The following TCF4 variants were observed in gnomAD, a reference collection of about 807,000 sequenced individuals.
TCF4 encodes SL3-3 enhancer factor 2.
A neutral mutation model predicts 82.1 loss-of-function variants in TCF4; 3 were observed. The observed-to-expected ratio is 0.04, with a 90% CI of 0.02 to 0.09. The LOEUF (loss-of-function observed/expected upper bound fraction) is 0.09. TCF4 is among the 10% of genes least tolerant of loss of function. TCF4 has a pLI of 1.00. For missense variants in TCF4, 518 were observed against 852.7 expected (o/e 0.61, Z 4.89); for synonymous variants, 276 against 309.6 (o/e 0.89, Z 1.14).
chr18:55,265,974 C>T (rs960892088), intron 11 of TCF4: 1 of 152,110 alleles, frequency 6.6e-6, no homozygotes, highest in Non-Finnish European at 1.5e-5. Flanking sequence ...GTTATTATAA[C>T]CATTATGTTA....
chr18:55,407,371 C>T (rs539146519), intron 5 of TCF4, among the ~76,000 whole-genome samples: 6 of 152,108 alleles, frequency 3.9e-5, no homozygotes, highest in African/African-American at 1.2e-4. Context: ...ACAAGGAAAA[C>T]GCTGTAAATG....
intron 6 of TCF4, chr18:55,352,096 A>G (rs942026906): frequency 5.2e-6 from 1 of 191,194 alleles, no homozygotes; most frequent in Admixed American, 6.5e-5. Context: ...CACACTATTC[A>G]CATGCAAAAT....
chr18:55,269,331 G>A (rs73488963), intron 11 of TCF4: 7,131 of 176,802 alleles, frequency 0.04, 288 homozygotes, highest in African/African-American at 0.11. Flanking sequence ...GGACTCCACA[G>A]TGTCACATTC....
intron 5 of TCF4, among the ~76,000 whole-genome samples, chr18:55,430,624 A>G (rs2095159315): frequency 1.8e-5 from 2 of 113,596 alleles, no homozygotes; most frequent in African/African-American, 3.4e-5. Flanking sequence ...ACTTATGAAG[A>G]CAGAAGCAGA....
At chr18:55,569,344 G>C (rs1222301127) in intron 3 of TCF4, among the ~76,000 whole-genome samples, 2 of 151,992 alleles carry the variant, frequency 1.3e-5, no homozygotes, top group Non-Finnish European at 2.9e-5. Context: ...GAACTAATAA[G>C]AGAGCTCAGC....
Position 55,270,155 on chromosome 18 carries a change from G to C in TCF4, c.790-192C>G, listed in dbSNP as rs73488965. Among the ~76,000 whole-genome samples the C allele has an allele frequency of 0.045, 6,781 of 152,180 alleles. 289 individuals are homozygous for C. The highest frequency in any genetic ancestry group is 0.11 in the African/African-American group (4,575 of 41,522). On this transcript the variant is annotated intron_variant, in intron 10 of 19. Transcript: ENST00000354452. ...AAATAATAAGTTATACAGAAACATA[G>C]CTTGGGTTTGCATCAACTGTGGAGG...
At chr18:55,383,786 T>C (rs1289588825) in intron 6 of TCF4, 1 of 152,120 alleles carries the variant, frequency 6.6e-6, no homozygotes, top group African/African-American at 2.4e-5. Context: ...AGAGTAACCC[T>C]CATCCAAACT....
chr18:55,595,894 C>A (rs976669475), intron 2 of TCF4, among the ~76,000 whole-genome samples: 1 of 151,998 alleles, frequency 6.6e-6, no homozygotes, highest in South Asian at 2.1e-4. Flanking sequence ...TTTGTCTGTA[C>A]GTCGGTGGTC....
intron 5 of TCF4, among the ~76,000 whole-genome samples, chr18:55,426,099 T>TA (rs2094967242): frequency 1.4e-5 from 2 of 139,118 alleles, no homozygotes; most frequent in Non-Finnish European, 3.1e-5. Flanking sequence ...ACAAAAAATT[T>TA]TATATATATA....
At chr18:55,491,888 G>A (rs572538603) in intron 3 of TCF4, among the ~76,000 whole-genome samples, 1 of 152,306 alleles carries the variant, frequency 6.6e-6, no homozygotes, top group African/African-American at 2.4e-5. Flanking sequence ...GCAGTAGACA[G>A]AGAAAATGAG....
At chr18:55,300,124 A>C (rs188821911) in intron 8 of TCF4, among the ~76,000 whole-genome samples, 2,018 of 149,790 alleles carry the variant, frequency 0.013, 48 homozygotes, top group African/African-American at 0.043. Context: ...ACACACACAC[A>C]CCCCACATTA....
chr18:55,376,467 C>T (rs1044498873), intron 6 of TCF4, among the ~76,000 whole-genome samples: 3 of 152,162 alleles, frequency 2.0e-5, no homozygotes, highest in Non-Finnish European at 1.5e-5. Context: ...TTAGTTAACT[C>T]AGAATCAGGT....
intron 3 of TCF4, among the ~76,000 whole-genome samples, chr18:55,525,044 T>C (rs2146576206): frequency 6.6e-6 from 1 of 152,278 alleles, no homozygotes; most frequent in South Asian, 2.1e-4. Context: ...TATGCCTTTC[T>C]TCTAGCTACC....
At chr18:55,543,178 G>A (rs1009182993) in intron 3 of TCF4, among the ~76,000 whole-genome samples, 10 of 151,908 alleles carry the variant, frequency 6.6e-5, no homozygotes, top group Admixed American at 3.9e-4. Context: ...AACCCTACTG[G>A]GGTAATGAAA....
At chr18:55,357,482 T>G (rs2083853684) in intron 6 of TCF4, among the ~76,000 whole-genome samples, 2 of 152,344 alleles carry the variant, frequency 1.3e-5, no homozygotes, top group South Asian at 4.1e-4. Flanking sequence ...TTCAGCAATT[T>G]TGTGCCAAAG....
chr18:55,560,788 C>T (rs758862426), intron 3 of TCF4, among the ~76,000 whole-genome samples: 6 of 152,100 alleles, frequency 3.9e-5, no homozygotes, highest in Non-Finnish European at 7.4e-5. Flanking sequence ...ATGTGTCTAT[C>T]TGTGAACTCC....
chr18:55,561,381 T>G (rs2097353706), intron 3 of TCF4, among the ~76,000 whole-genome samples: 1 of 152,218 alleles, frequency 6.6e-6, no homozygotes, highest in African/African-American at 2.4e-5. Context: ...ATCTCAAGCT[T>G]TCAACACAGA....
intron 16 of TCF4, among the ~76,000 whole-genome samples, chr18:55,234,162 T>C (rs988376972): frequency 6.6e-6 from 1 of 152,166 alleles, no homozygotes. Context: ...TATATTTCCT[T>C]CCATCTTAAA....
chr18:55,487,764 A>G (rs1028324899), intron 3 of TCF4, among the ~76,000 whole-genome samples: 1 of 152,174 alleles, frequency 6.6e-6, no homozygotes, highest in African/African-American at 2.4e-5. Context: ...AATTTCTATG[A>G]GATGAAATTC....
Sources: gnomAD v4.1 joint callset for allele counts (sites outside exome capture counted in the v4.1 genomes callset) on GRCh38, gnomAD v4.1.1 for gene constraint, MANE v1.5 for transcripts, NCBI Gene and HGNC (gene_info 2026-07-23, HGNC 2026-07-21) for gene names.